CCDC171: variants seen among roughly 807,000 people sequenced by gnomAD.
The protein encoded by CCDC171 is coiled-coil domain-containing protein 171.
Under a neutral mutation model 168.2 loss-of-function variants are expected in CCDC171, and 177 were observed. That is an observed-to-expected ratio of 1.05 (90% CI 0.93 to 1.19). The LOEUF (loss-of-function observed/expected upper bound fraction) is 1.19. CCDC171 is among the 50% of genes most tolerant of loss of function. The probability of loss-of-function intolerance (pLI) is 0.00; values close to 1 mark genes in which losing one functional copy is unlikely to be tolerated. For missense variants in CCDC171, 1,991 were observed against 1,539.0 expected (o/e 1.29, Z -4.91); for synonymous variants, 687 against 540.8 (o/e 1.27, Z -3.75).
rs2049119856 is a variant in CCDC171, at chr9:15,671,645, G to A, written c.1076+5322G>A. Among the ~76,000 whole-genome samples, 2 of 152,010 alleles carry A rather than the reference G, an allele frequency of 1.3e-5. 1 individual carries two copies. Among genetic ancestry groups the A allele is most frequent in the South Asian group, 4.1e-4 (2 of 4,820 alleles). On this transcript the variant is annotated intron_variant, in intron 9 of 25. Coordinates refer to ENST00000380701, the MANE Select transcript of CCDC171 (RefSeq NM_173550.4). ...GTCCTTGTGATAGTTTGCTCAGAATGATGGTTTCCAGCTTCATCCATGTCG... is the reference window on the plus strand; with the variant it reads ...GTCCTTGTGATAGTTTGCTCAGAATAATGGTTTCCAGCTTCATCCATGTCG...
chr9:15,928,722 A>G (rs1461706839), intron 25 of CCDC171, among the ~76,000 whole-genome samples: 1 of 151,758 alleles, frequency 6.6e-6, no homozygotes, highest in Non-Finnish European at 1.5e-5. Context: ...TTGGATACTA[A>G]TAGAGCTGAA....
chr9:15,836,894 A>G (rs2060476421), intron 21 of CCDC171, among the ~76,000 whole-genome samples: 1 of 152,198 alleles, frequency 6.6e-6, no homozygotes, highest in Admixed American at 6.5e-5. Context: ...AAATAGTTTG[A>G]CCAATAATAA....
At chr9:15,870,832 C>A in intron 23 of CCDC171, among the ~76,000 whole-genome samples, 1 of 149,074 alleles carries the variant, frequency 6.7e-6, no homozygotes, top group African/African-American at 2.5e-5. Flanking sequence ...AATTAGAAAA[C>A]ATTGTTTACT....
chr9:15,950,088 A>C (rs886088458), intron 25 of CCDC171, among the ~76,000 whole-genome samples: 1 of 152,198 alleles, frequency 6.6e-6, no homozygotes, highest in Non-Finnish European at 1.5e-5. Flanking sequence ...AAGAATAAAA[A>C]GAAATGAGCA....
At chr9:16,007,159 G>A (rs899136353) in intron 3 of CCDC171, among the ~76,000 whole-genome samples, 1 of 152,326 alleles carries the variant, frequency 6.6e-6, no homozygotes, top group South Asian at 2.1e-4. Flanking sequence ...TTGTGGTTTT[G>A]ATTTGCATTT....
At chr9:15,738,825 A>G (rs555930762) in intron 16 of CCDC171, among the ~76,000 whole-genome samples, 1 of 152,002 alleles carries the variant, frequency 6.6e-6, no homozygotes, top group Middle Eastern at 3.4e-3. Flanking sequence ...TTTAAATTAT[A>G]TTTTTCTTTT....
At chr9:15,750,474 G>A (rs1057485600) in intron 18 of CCDC171, among the ~76,000 whole-genome samples, 1 of 152,110 alleles carries the variant, frequency 6.6e-6, no homozygotes, top group Non-Finnish European at 1.5e-5. Context: ...TATGAGGCCA[G>A]CATCATCCTG....
intron 6 of CCDC171, among the ~76,000 whole-genome samples, chr9:16,029,845 T>C (rs1833338727): frequency 6.6e-6 from 1 of 152,162 alleles, no homozygotes; most frequent in African/African-American, 2.4e-5. Context: ...GGACCATAGC[T>C]CCTTGCCAAC....
chr9:16,069,369 G>A, the CCDC171 span, among the ~76,000 whole-genome samples: 2 of 152,242 alleles, frequency 1.3e-5, no homozygotes, highest in Non-Finnish European at 2.9e-5. Context: ...GGGCCAGGTA[G>A]TATCATCAAT....
intron 21 of CCDC171, among the ~76,000 whole-genome samples, chr9:15,824,315 ATAAT>A (rs994383225): frequency 1.4e-4 from 22 of 151,994 alleles, no homozygotes; most frequent in African/African-American, 4.6e-4. Flanking sequence ...ATTTTTACAA[ATAAT>A]TATACATTTA....
chr9:15,955,033 A>G (rs1197414167), intron 25 of CCDC171, among the ~76,000 whole-genome samples: 1 of 152,102 alleles, frequency 6.6e-6, no homozygotes, highest in South Asian at 2.1e-4. Context: ...AAAACTGAAC[A>G]TTTGAATAGA....
intron 19 of CCDC171, 98 bp downstream of exon 19, chr9:15,777,924 G>A (rs534038846): frequency 5.0e-4 from 376 of 750,200 alleles, no homozygotes; most frequent in Admixed American, 7.4e-4. Flanking sequence ...GTACATGAAT[G>A]TATCTGGATT....
chr9:15,987,782 G>T (rs1011994961), intron 3 of CCDC171, among the ~76,000 whole-genome samples: 1 of 152,138 alleles, frequency 6.6e-6, no homozygotes, highest in South Asian at 2.1e-4. Flanking sequence ...TGGAATATTT[G>T]CATATACATA....
chr9:15,564,863 TTCTG>T (rs1172890075), intron 2 of CCDC171, among the ~76,000 whole-genome samples: 29 of 152,354 alleles, frequency 1.9e-4, no homozygotes, highest in African/African-American at 5.8e-4. Flanking sequence ...TGGGGTTGTA[TTCTG>T]TCTGTTTTTA....
At chr9:15,648,481 T>TTG (rs1370309148) in intron 7 of CCDC171, among the ~76,000 whole-genome samples, 1 of 152,192 alleles carries the variant, frequency 6.6e-6, no homozygotes, top group Admixed American at 6.5e-5. Context: ...GATGACATGA[T>TTG]TGTATATTTA....
chr9:16,065,786 C>T (rs1204621562), downstream of CCDC171, among the ~76,000 whole-genome samples: 3 of 147,886 alleles, frequency 2.0e-5, no homozygotes, highest in Admixed American at 6.7e-5. Context: ...GAAATCAGCA[C>T]CCACCTATGG....
chr9:15,657,885 G>A (rs1236890838), intron 8 of CCDC171, among the ~76,000 whole-genome samples: 1 of 152,156 alleles, frequency 6.6e-6, no homozygotes. Context: ...TAAGAGAAGT[G>A]AGAGCAGGGC....
At chr9:15,556,873 G>A (rs920216859) in intron 1 of CCDC171, among the ~76,000 whole-genome samples, 1 of 152,080 alleles carries the variant, frequency 6.6e-6, no homozygotes, top group African/African-American at 2.4e-5. Flanking sequence ...TATGGTTTTA[G>A]GTCTAACATT....
chr9:16,057,315 T>G (rs1018967830), intron 1 of CCDC171, among the ~76,000 whole-genome samples: 8 of 152,212 alleles, frequency 5.3e-5, no homozygotes, highest in Non-Finnish European at 1.0e-4. Context: ...CCAGAGGATT[T>G]TATTATCTTT....
Sources: gnomAD v4.1 joint callset for allele counts (sites outside exome capture counted in the v4.1 genomes callset) on GRCh38, gnomAD v4.1.1 for gene constraint, MANE v1.5 for transcripts, NCBI Gene and HGNC (gene_info 2026-07-23, HGNC 2026-07-21) for gene names.